The following RPTOR variants were observed in gnomAD, a reference collection of about 807,000 sequenced individuals.
RPTOR encodes the protein regulatory associated protein of MTOR complex 1.
A neutral mutation model predicts 169.9 loss-of-function variants in RPTOR; 21 were observed. That is an observed-to-expected ratio of 0.12 (90% confidence interval 0.09 to 0.18). The LOEUF (loss-of-function observed/expected upper bound fraction) is 0.18, where lower values mean the gene tolerates loss of function less well. Ranked by LOEUF, RPTOR falls within the 10% of genes least tolerant of loss-of-function variation. The pLI, the probability that RPTOR is intolerant of heterozygous loss-of-function variation, is 1.00. For missense variants in RPTOR, 1,133 were observed against 1,855.9 expected (o/e 0.61, Z 7.16); for synonymous variants, 732 against 753.2 (o/e 0.97, Z 0.46).
At chr17:80,846,177 C>T (rs1404762682) in intron 10 of RPTOR, among the ~76,000 whole-genome samples, 1 of 152,248 alleles carries the variant, frequency 6.6e-6, no homozygotes, top group Non-Finnish European at 1.5e-5. Flanking sequence ...CACATGTCCA[C>T]AGCTGGTTCC....
rs968432931 is a variant in RPTOR, at chr17:80,545,550, A to G, written c.-80A>G. Reference sequence around the variant, plus strand: ...CCCGTTTTTGTTTCTTATTTCACCAATTCTGGTACACGCTAGTTTTTAAGG... The same window carrying G: ...CCCGTTTTTGTTTCTTATTTCACCAGTTCTGGTACACGCTAGTTTTTAAGG... On this transcript the variant is annotated 5_prime_UTR_variant, in exon 1 of 34. Transcript: ENST00000306801. 1.3e-5 allele frequency: 14 copies of G among 1,104,196 alleles called. No individual in the cohort carries two copies. Among genetic ancestry groups the G allele is most frequent in the Admixed American group, 2.3e-5 (1 of 43,026 alleles). The allele number at this position is 1,104,196 out of a possible 1,614,324, so 68.4% of individuals were successfully genotyped here. A position where few individuals can be genotyped will look rare whatever the true frequency, so the allele number is the denominator to read the frequency against.
chr17:80,894,319 A>G (rs540028440), intron 20 of RPTOR, among the ~76,000 whole-genome samples: 2 of 152,302 alleles, frequency 1.3e-5, no homozygotes, highest in African/African-American at 4.8e-5. Flanking sequence ...CCTGGTGCCC[A>G]GGACAGCCCC....
intron 13 of RPTOR, 155 bp downstream of exon 13, chr17:80,858,055 G>A (rs1485945391): frequency 3.4e-5 from 22 of 646,124 alleles, no homozygotes; most frequent in Admixed American, 1.4e-4. Context: ...AGTGGGACGC[G>A]CCCGCCTCGG....
At chr17:80,725,767 C>T (rs992388708) in intron 4 of RPTOR, among the ~76,000 whole-genome samples, 8 of 152,170 alleles carry the variant, frequency 5.3e-5, no homozygotes, top group African/African-American at 1.9e-4. Flanking sequence ...GATTCGCTAT[C>T]AAAGGTCATT....
chr17:80,595,309 TAGAAA>T (rs1472334604), intron 1 of RPTOR, among the ~76,000 whole-genome samples: 2 of 152,190 alleles, frequency 1.3e-5, no homozygotes, highest in Admixed American at 6.5e-5. Context: ...CTAGTTCTAT[TAGAAA>T]AAAAGCAAAA....
intron 5 of RPTOR, 107 bp from the exon 6 acceptor site, chr17:80,753,903 G>A: frequency 9.5e-7 from 1 of 1,056,058 alleles, no homozygotes; most frequent in East Asian, 2.4e-5. Flanking sequence ...AAAACTCACA[G>A]CCTGAGTTGA....
chr17:80,866,029 T>A (rs1054877626), intron 13 of RPTOR, among the ~76,000 whole-genome samples: 2 of 152,122 alleles, frequency 1.3e-5, no homozygotes, highest in African/African-American at 4.8e-5. Flanking sequence ...TAAATGATTT[T>A]CATTTCATTC....
chr17:80,824,618 T>G (rs1044293010), intron 9 of RPTOR, among the ~76,000 whole-genome samples: 2 of 151,932 alleles, frequency 1.3e-5, no homozygotes, highest in Admixed American at 1.3e-4. Context: ...AAAAAAAAGC[T>G]GAAGGGGTCA....
chr17:80,556,964 C>T (rs559341755), intron 1 of RPTOR, among the ~76,000 whole-genome samples: 4 of 152,040 alleles, frequency 2.6e-5, no homozygotes, highest in African/African-American at 4.8e-5. Context: ...GGCATGGTGG[C>T]GGGTGCCTGT....
intron 5 of RPTOR, among the ~76,000 whole-genome samples, chr17:80,737,487 C>G (rs1170847875): frequency 6.6e-6 from 1 of 152,224 alleles, no homozygotes; most frequent in Non-Finnish European, 1.5e-5. Context: ...TGGCTTCAGG[C>G]ACACAGGTGA....
intron 3 of RPTOR, among the ~76,000 whole-genome samples, chr17:80,693,734 G>A (rs529955389): frequency 1.3e-5 from 2 of 152,338 alleles, no homozygotes; most frequent in South Asian, 4.1e-4. Context: ...CCCCTTCCAC[G>A]CAGGGTGGGC....
At chr17:80,875,153 AT>A (rs1401827942) in intron 13 of RPTOR, among the ~76,000 whole-genome samples, 1 of 152,236 alleles carries the variant, frequency 6.6e-6, no homozygotes, top group Non-Finnish European at 1.5e-5. Context: ...GTTAAGGAGA[AT>A]AAAGGGAGGG....
chr17:80,962,261 C>CCT (rs1398278113), intron 31 of RPTOR, among the ~76,000 whole-genome samples, 200 bp from the exon 32 acceptor site: 2 of 152,178 alleles, frequency 1.3e-5, no homozygotes, highest in Admixed American at 6.5e-5. Context: ...CAGCCTTGGC[C>CCT]CTGAGACCAG....
chr17:80,811,314 G>T (rs1239880405), intron 7 of RPTOR, among the ~76,000 whole-genome samples: 1 of 152,226 alleles, frequency 6.6e-6, no homozygotes, highest in Admixed American at 6.5e-5. Flanking sequence ...GAATTCGTCA[G>T]CGGCTTCCTC....
chr17:80,591,692 T>C (rs1212354806), intron 1 of RPTOR, among the ~76,000 whole-genome samples: 1 of 152,142 alleles, frequency 6.6e-6, no homozygotes, highest in Non-Finnish European at 1.5e-5. Flanking sequence ...CTTTCTTGAT[T>C]AGTCTTACTA....
At chr17:80,882,287 A>G (rs1252767754) in intron 14 of RPTOR, among the ~76,000 whole-genome samples, 1 of 152,250 alleles carries the variant, frequency 6.6e-6, no homozygotes, top group Non-Finnish European at 1.5e-5. Flanking sequence ...TGAAGAAAGG[A>G]GAGTTCCGAT....
intron 3 of RPTOR, among the ~76,000 whole-genome samples, chr17:80,647,803 G>A (rs2065608566): frequency 6.6e-6 from 1 of 152,136 alleles, no homozygotes; most frequent in South Asian, 2.1e-4. Context: ...AGTAGTGAAG[G>A]CAGCAAGTCC....
chr17:80,848,263 T>C (rs562519341), intron 11 of RPTOR, among the ~76,000 whole-genome samples: 8 of 152,332 alleles, frequency 5.3e-5, no homozygotes, highest in African/African-American at 1.9e-4. Context: ...CTGAGCCACA[T>C]AGGGAGACTC....
rs2068001872 is a variant in RPTOR at position 80,867,145 on chromosome 17, T to A, written c.1509+9245T>A. On this transcript the variant is annotated intron_variant, in intron 13 of 33. Coordinates refer to ENST00000306801, the MANE Select transcript of RPTOR (RefSeq NM_020761.3). ...TTTGCAAATTAAATTCAATGCTATT[T>A]AAAAACAAAACATGATCTAGTGGGA... 2.6e-5 allele frequency among the ~76,000 whole-genome samples: 4 copies of A among 152,104 alleles called. No individual in the cohort carries two copies. The South Asian group carries it at 8.3e-4, about 32-fold the overall frequency.
Sources: gnomAD v4.1 joint callset for allele counts (sites outside exome capture counted in the v4.1 genomes callset) on GRCh38, gnomAD v4.1.1 for gene constraint, MANE v1.5 for transcripts, NCBI Gene and HGNC (gene_info 2026-07-23, HGNC 2026-07-21) for gene names.